Variants in ATP8A1 observed in about 807,000 individuals in gnomAD.
ATP8A1 encodes ATPase phospholipid transporting 8A1.
A neutral mutation model predicts 177.7 loss-of-function variants in ATP8A1; 90 were observed. That is an observed-to-expected ratio of 0.51 (90% CI 0.43 to 0.60). The LOEUF is 0.60. Among genes scored for constraint, ATP8A1 ranks in the 20% least tolerant of loss-of-function variants. The pLI is 0.00. For missense variants in ATP8A1, 1,072 were observed against 1,392.8 expected, an observed-to-expected ratio of 0.77 and a Z score of 3.67; for synonymous variants, 493 against 485.9, an observed-to-expected ratio of 1.01 and a Z score of -0.19.
intron 1 of ATP8A1, among the ~76,000 whole-genome samples, chr4:42,655,673 G>C (rs1414600038): frequency 6.6e-6 from 1 of 152,108 alleles, no homozygotes; most frequent in African/African-American, 2.4e-5. Flanking sequence ...ATCTTGCTTC[G>C]TCTTCTCCCC....
At position 42,512,067 on chromosome 4, in the gene ATP8A1, G is replaced by A. The variant is rs559334423; in HGVS notation, c.1948-4913C>T. 2.6e-5 allele frequency among the ~76,000 whole-genome samples: 4 copies of A among 152,292 alleles called. No homozygotes were observed. In the South Asian group the frequency reaches 8.3e-4, roughly 32 times the overall value. On this transcript the variant is annotated intron_variant, in intron 22 of 36. Coordinates refer to ENST00000381668, the MANE Select transcript of ATP8A1 (RefSeq NM_006095.2). The stretch of plus-strand genomic sequence containing the variant: ...AGAGGAAACCAGCATTTCACGGATA[G>A]AAAAATTGTACCAGGCACTGCTAAG...
intron 25 of ATP8A1, chr4:42,472,084 C>A (rs887092506): frequency 4.2e-6 from 3 of 713,566 alleles, no homozygotes; most frequent in Admixed American, 3.5e-5. Flanking sequence ...GGGAAGCATG[C>A]TGTCTTTATT....
At chr4:42,502,265 A>T (rs1219087508) in intron 24 of ATP8A1, among the ~76,000 whole-genome samples, 3 of 152,194 alleles carry the variant, frequency 2.0e-5, no homozygotes, top group African/African-American at 7.2e-5. Flanking sequence ...CAGTCCAAGT[A>T]CCTTTGAAGT....
At chr4:42,491,794 G>C (rs1722767964) in intron 24 of ATP8A1, among the ~76,000 whole-genome samples, 1 of 152,100 alleles carries the variant, frequency 6.6e-6, no homozygotes, top group Admixed American at 6.6e-5. Context: ...GCATAAAAAT[G>C]GTCCTTTTCA....
chr4:42,555,118 TATCTATCTATCTATCTATCTAATC>T (rs1307466402), intron 16 of ATP8A1, among the ~76,000 whole-genome samples: 5 of 96,826 alleles, frequency 5.2e-5, no homozygotes, highest in African/African-American at 4.7e-5. Context: ...TCTATCTATC[TATCTATCTATCTATCTATCTAATC>T]TATCTATCTA....
chr4:42,614,462 G>A (rs964374504), intron 5 of ATP8A1, among the ~76,000 whole-genome samples: 4 of 152,202 alleles, frequency 2.6e-5, no homozygotes, highest in East Asian at 1.9e-4. Flanking sequence ...GGCTTGAAAC[G>A]TCTGGATTTT....
At chr4:42,587,623 T>C (rs1323884183) in intron 8 of ATP8A1, among the ~76,000 whole-genome samples, 1 of 149,776 alleles carries the variant, frequency 6.7e-6, no homozygotes, top group Non-Finnish European at 1.5e-5. Flanking sequence ...TTTTTTTTTT[T>C]TGAGACAGAG....
At chr4:42,640,612 C>T (rs531527400) in intron 1 of ATP8A1, among the ~76,000 whole-genome samples, 24 of 152,284 alleles carry the variant, frequency 1.6e-4, no homozygotes, top group African/African-American at 4.6e-4. Flanking sequence ...TGAAGACACA[C>T]GATTCCATGA....
chr4:42,581,742 A>G lies in ATP8A1; in HGVS notation c.723-10T>C, dbSNP rs1733100105. ...TCCCAGTGGAACGGTGCTAGGACAG[A>G]TTACGTTGACATTAGAAACAGTATT... On this transcript the variant is annotated splice_polypyrimidine_tract_variant and intron_variant, in intron 9 of 36. Transcript: ENST00000381668. The G allele has an allele frequency of 3.8e-6, 6 of 1,593,772 alleles. No individual in the cohort carries two copies. Among genetic ancestry groups the G allele is most frequent in the East Asian group, 4.5e-5 (2 of 44,752 alleles).
At chr4:42,480,696 A>T (rs1721584127) in intron 25 of ATP8A1, among the ~76,000 whole-genome samples, 1 of 152,220 alleles carries the variant, frequency 6.6e-6, no homozygotes, top group South Asian at 2.1e-4. Context: ...GTCCCTTTAG[A>T]CTTCTTGCAG....
Position 42,537,132 on chromosome 4 carries a change from C to CAA in ATP8A1, c.1722+6783_1722+6784dup, listed in dbSNP as rs201979731. Among the ~76,000 whole-genome samples the CAA allele has an allele frequency of 8.3e-4, 82 of 99,250 alleles. No homozygotes were observed. In the South Asian group the frequency reaches 8.4e-3, roughly 10 times the overall value. 65.1% of individuals were successfully genotyped at this position (99,250 alleles called of 152,430 possible). On this transcript the variant is annotated intron_variant, in intron 20 of 36. Coordinates refer to ENST00000381668, the MANE Select transcript of ATP8A1 (RefSeq NM_006095.2). ...GGGCAAAAAGAGCGAAACTCCGTCTCAAAAAAAAAAAAAACAAAAAAACCA... is the reference window on the plus strand; with the variant it reads ...GGGCAAAAAGAGCGAAACTCCGTCTCAAAAAAAAAAAAAAAACAAAAAAACCA...
chr4:42,543,907 A>T lies in ATP8A1; in HGVS notation c.1722+10T>A. On this transcript the variant is annotated intron_variant, in intron 20 of 36. Coordinates refer to ENST00000381668, the MANE Select transcript of ATP8A1 (RefSeq NM_006095.2). ...AATTATAACTGTAAAAAATAAAAAT[A>T]AAAACTTACAGCTCCTTTGCAGTAG... 6.3e-7 allele frequency: 1 copy of T among 1,593,002 alleles called. No homozygotes were observed. Among genetic ancestry groups the T allele is most frequent in the Non-Finnish European group, 8.6e-7 (1 of 1,167,130 alleles).
At chr4:42,422,750 A>T (rs1577900717) in intron 35 of ATP8A1, 57 bp downstream of exon 35, 2 of 1,345,028 alleles carry the variant, frequency 1.5e-6, no homozygotes, top group East Asian at 4.6e-5. Context: ...TCCAACCACT[A>T]GTACAAGATA....
chr4:42,625,752 A>G (rs371087855), intron 2 of ATP8A1, 39 bp from the exon 3 acceptor site: 1 of 1,258,158 alleles, frequency 7.9e-7, no homozygotes, highest in African/African-American at 1.5e-5. Flanking sequence ...AAACTTCTCC[A>G]TAATTAGCAC....
chr4:42,461,980 G>C (rs536041253), intron 27 of ATP8A1, among the ~76,000 whole-genome samples: 1 of 152,292 alleles, frequency 6.6e-6, no homozygotes, highest in Non-Finnish European at 1.5e-5. Flanking sequence ...CTAGAGATCT[G>C]TGGAACTTTG....
In ATP8A1 at chr4:42,444,558, G is replaced by A; in HGVS notation, c.3015+20C>T. 1 of 1,607,348 alleles carries A rather than the reference G, an allele frequency of 6.2e-7. No homozygotes were observed. Among genetic ancestry groups the A allele is most frequent in the Non-Finnish European group, 8.5e-7 (1 of 1,174,402 alleles). ...CAAGTAAATGTGACATTTCTTGGTT[G>A]TGGTTAGATATTTTCTTACCCATGT... On this transcript the variant is annotated intron_variant, in intron 32 of 36. Coordinates refer to ENST00000381668, the MANE Select transcript of ATP8A1 (RefSeq NM_006095.2).
At chr4:42,581,815 C>G (rs963051303) in intron 9 of ATP8A1, 83 bp from the exon 10 acceptor site, 1 of 969,308 alleles carries the variant, frequency 1.0e-6, no homozygotes, top group African/African-American at 1.6e-5. Flanking sequence ...ACAAAAGTAC[C>G]CATTATTAAA....
chr4:42,516,802 A>G (rs1394455230), intron 22 of ATP8A1, among the ~76,000 whole-genome samples: 2 of 152,206 alleles, frequency 1.3e-5, no homozygotes, highest in African/African-American at 2.4e-5. Context: ...TGTCTTAGAA[A>G]TAAGTTAGAA....
At chr4:42,501,939 G>T (rs1201713694) in intron 24 of ATP8A1, among the ~76,000 whole-genome samples, 1 of 152,144 alleles carries the variant, frequency 6.6e-6, no homozygotes, top group Non-Finnish European at 1.5e-5. Flanking sequence ...CACAGTGTTT[G>T]CCTGTGATCT....
Sources: gnomAD v4.1 joint callset for allele counts (sites outside exome capture counted in the v4.1 genomes callset) on GRCh38, gnomAD v4.1.1 for gene constraint, MANE v1.5 for transcripts, NCBI Gene and HGNC (gene_info 2026-07-23, HGNC 2026-07-21) for gene names.